The following EDARADD variants were observed in gnomAD, a reference collection of about 807,000 sequenced individuals.
EDARADD encodes the protein EDAR associated via death domain.
EDARADD carries 20 observed loss-of-function variants against 25.6 expected under a neutral mutation model. The observed-to-expected ratio is 0.78, with a 90% CI of 0.55 to 1.14. The LOEUF is 1.14. Ranked by LOEUF, EDARADD falls within the 50% of genes most tolerant of loss-of-function variation. The pLI is 0.00. For synonymous variants in EDARADD, 86 were observed against 94.4 expected, an observed-to-expected ratio of 0.91 and a Z score of 0.52; for missense variants, 225 against 270.1, an observed-to-expected ratio of 0.83 and a Z score of 1.17.
At chr1:236,434,925 T>C (rs535663392) in intron 4 of EDARADD, among the ~76,000 whole-genome samples, 1 of 152,308 alleles carries the variant, frequency 6.6e-6, no homozygotes, top group East Asian at 1.9e-4. Context: ...CAATAGAGAA[T>C]TCAGGAAGAA....
intron 3 of EDARADD, among the ~76,000 whole-genome samples, chr1:236,359,573 A>C (rs1160878370): frequency 6.6e-6 from 1 of 152,210 alleles, no homozygotes; most frequent in African/African-American, 2.4e-5. Context: ...GGCAATTTAC[A>C]AAAGAAAGAG....
At chr1:236,475,331 A>C (rs1659471865) in intron 5 of EDARADD, among the ~76,000 whole-genome samples, 1 of 152,250 alleles carries the variant, frequency 6.6e-6, no homozygotes. Flanking sequence ...ATTTGATAGG[A>C]GAAAACCTTG....
At chr1:236,468,938 A>G (rs887549575) in intron 5 of EDARADD, among the ~76,000 whole-genome samples, 14 of 152,184 alleles carry the variant, frequency 9.2e-5, no homozygotes, top group African/African-American at 3.4e-4. Context: ...GGAAGGGACC[A>G]GAAGCCAGCT....
chr1:236,454,330 G>A (rs997232114), intron 4 of EDARADD, among the ~76,000 whole-genome samples: 12 of 152,194 alleles, frequency 7.9e-5, no homozygotes. Flanking sequence ...TTACAGGCGT[G>A]AGCCACCGTG....
chr1:236,469,945 G>A (rs1234338452), intron 5 of EDARADD, among the ~76,000 whole-genome samples: 1 of 151,896 alleles, frequency 6.6e-6, no homozygotes, highest in Non-Finnish European at 1.5e-5. Flanking sequence ...CCTGACCTCA[G>A]GTGATCCACC....
Position 236,395,417 on chromosome 1 carries a change from A to G in EDARADD, c.61+912A>G. On this transcript the variant is annotated intron_variant, in intron 1 of 5. Coordinates refer to ENST00000334232, the MANE Select transcript of EDARADD (RefSeq NM_145861.4). This position sits in a 1 kb window ranked among gnomAD's most constrained non-coding sequence, Gnocchi z 6.9. ...GACGCGCAGCGAAGGGGCTTTGCTA[A>G]TTGCCAAAGCAGGAAGTGAGCTCGT... is the stretch of plus-strand genomic sequence containing the variant. 2 of 1,442,642 alleles carry G rather than the reference A, an allele frequency of 1.4e-6. No individual in the cohort carries two copies. Among genetic ancestry groups the G allele is most frequent in the Non-Finnish European group, 1.8e-6 (2 of 1,098,270 alleles). 89.4% of individuals were successfully genotyped at this position (1,442,642 alleles called of 1,614,324 possible). A position where few individuals can be genotyped will look rare whatever the true frequency, so the allele number is the denominator to read the frequency against.
chr1:236,428,660 G>A lies in EDARADD; in HGVS notation c.219+1210G>A, dbSNP rs1214185215. Among the ~76,000 whole-genome samples the A allele has an allele frequency of 3.1e-5, 4 of 128,182 alleles. No individual in the cohort carries two copies. The East Asian group carries it at 6.3e-4, about 20-fold the overall frequency. 84.1% of individuals were successfully genotyped at this position (128,182 alleles called of 152,430 possible). ...CTCCTCACTTCCTAGACGGGATGGCGGCCGGGAAGAGGCGCTCCTCACTTC... is the reference window on the plus strand; with the variant it reads ...CTCCTCACTTCCTAGACGGGATGGCAGCCGGGAAGAGGCGCTCCTCACTTC... On this transcript the variant is annotated intron_variant, in intron 4 of 5. Coordinates refer to ENST00000334232, the MANE Select transcript of EDARADD (RefSeq NM_145861.4).
At chr1:236,389,545 A>G (rs955437741), upstream of EDARADD, among the ~76,000 whole-genome samples, 8 of 152,208 alleles carry the variant, frequency 5.3e-5, no homozygotes, top group African/African-American at 1.9e-4. Flanking sequence ...CACGCACTGG[A>G]ATGCTGTGTC....
In EDARADD at chr1:236,403,529, C is replaced by T. The variant is rs577379213; in HGVS notation, c.62-5687C>T. 9.2e-5 allele frequency among the ~76,000 whole-genome samples: 14 copies of T among 152,132 alleles called. No homozygotes were observed. The East Asian group carries it at 2.5e-3, about 27-fold the overall frequency. On this transcript the variant is annotated intron_variant, in intron 1 of 5. Transcript: ENST00000334232. The stretch of plus-strand genomic sequence containing the variant: ...GTCTCGATCTCCTGACCTCGTGATC[C>T]GCCTGCCTCGGCCTCCCAAAGTGCT...
At chr1:236,404,044 T>C (rs1185940830) in intron 1 of EDARADD, among the ~76,000 whole-genome samples, 1 of 152,160 alleles carries the variant, frequency 6.6e-6, no homozygotes, top group Admixed American at 6.5e-5. Context: ...ATGGCAGCCA[T>C]GAGCAGAGGA....
chr1:236,428,577 T>G (rs796617863), intron 4 of EDARADD, among the ~76,000 whole-genome samples: 65,194 of 146,892 alleles, frequency 0.44, 16,855 homozygotes, highest in Non-Finnish European at 0.58. Flanking sequence ...CTTCCCAGAC[T>G]GGGCTGCCGG....
chr1:236,411,255 G>A (rs1657471164), intron 2 of EDARADD, among the ~76,000 whole-genome samples: 1 of 152,158 alleles, frequency 6.6e-6, no homozygotes, highest in African/African-American at 2.4e-5. Flanking sequence ...CACAGACTGG[G>A]CAGCTTTCAC....
chr1:236,398,346 C>T lies in EDARADD; in HGVS notation c.61+3841C>T, dbSNP rs1667557135. On this transcript the variant is annotated intron_variant, in intron 1 of 5. Transcript: ENST00000334232. The surrounding 1 kb of genome is among the most constrained non-coding windows in gnomAD (Gnocchi z 4.1). ...TCCTGACCTCAAGTGATCCACCCAC[C>T]TCGGCCTCCCAGAGTGCTGGGATTA... 6.6e-6 allele frequency among the ~76,000 whole-genome samples: 1 copy of T among 152,212 alleles called. No individual in the cohort carries two copies. Among genetic ancestry groups the T allele is most frequent in the South Asian group, 2.1e-4 (1 of 4,828 alleles).
chr1:236,402,680 G>T (rs919996219), intron 1 of EDARADD, among the ~76,000 whole-genome samples: 12 of 152,134 alleles, frequency 7.9e-5, no homozygotes, highest in African/African-American at 2.7e-4. Context: ...CCAAAGTGCT[G>T]GGACTACAGA....
chr1:236,430,904 T>G (rs1160494220), intron 4 of EDARADD, among the ~76,000 whole-genome samples: 1 of 152,098 alleles, frequency 6.6e-6, no homozygotes, highest in Non-Finnish European at 1.5e-5. Flanking sequence ...GATCACGAGG[T>G]CAGGAGTTTA....
intron 5 of EDARADD, among the ~76,000 whole-genome samples, chr1:236,480,252 TG>T (rs1659635813): frequency 6.6e-6 from 1 of 151,790 alleles, no homozygotes; most frequent in African/African-American, 2.4e-5. Context: ...GTTGCCATAT[TG>T]TCTTCATAGT....
chr1:236,388,934 G>C (rs993976938), intron 3 of EDARADD, among the ~76,000 whole-genome samples: 2 of 152,176 alleles, frequency 1.3e-5, no homozygotes, highest in African/African-American at 4.8e-5. Context: ...GCTAGCTATG[G>C]TCACTGATAA....
At chr1:236,415,334 T>C (rs1657607898) in intron 3 of EDARADD, among the ~76,000 whole-genome samples, 1 of 152,204 alleles carries the variant, frequency 6.6e-6, no homozygotes, top group Non-Finnish European at 1.5e-5. Context: ...AAAGCTATCT[T>C]TGATAACCCA....
In EDARADD at chr1:236,484,436, C is replaced by T. The variant is rs6428955; in HGVS notation, c.*1787C>T. 0.23 allele frequency: 360,502 copies of T among 1,601,532 alleles called. 43,830 individuals carry two copies. The highest frequency in any genetic ancestry group is 0.28 in the Middle Eastern group (1,438 of 5,186). ...AGCTGGGCAGCAAGGCTAAGTTTGC[C>T]GGCAGGAACTTCAGAAACCCCCCAG... On this transcript the variant is annotated 3_prime_UTR_variant, in exon 6 of 6. Transcript: ENST00000334232. This position sits in a 1 kb window ranked among gnomAD's most constrained non-coding sequence, Gnocchi z 4.1.
Sources: gnomAD v4.1 joint callset for allele counts (sites outside exome capture counted in the v4.1 genomes callset) on GRCh38, gnomAD v4.1.1 for gene constraint, Gnocchi (gnomAD v3.1) non-coding constraint, MANE v1.5 for transcripts, NCBI Gene and HGNC (gene_info 2026-07-23, HGNC 2026-07-21) for gene names.